The following AGBL3 variants were observed in gnomAD, a reference collection of about 807,000 sequenced individuals.
AGBL3 encodes the protein cytosolic carboxypeptidase 3.
AGBL3 carries 68 observed loss-of-function variants against 94.5 expected under a neutral mutation model. The observed-to-expected ratio is 0.72, with a 90% CI of 0.59 to 0.88. AGBL3 has a LOEUF of 0.88. Among genes scored for constraint, AGBL3 ranks in the 40% least tolerant of loss-of-function variants. The probability of loss-of-function intolerance (pLI) is 0.00; values close to 1 mark genes in which losing one functional copy is unlikely to be tolerated. For synonymous variants in AGBL3, 354 were observed against 370.7 expected (o/e 0.95, Z 0.52); for missense variants, 934 against 1,103.8 (o/e 0.85, Z 2.18).
intron 8 of AGBL3, among the ~76,000 whole-genome samples, chr7:135,043,143 G>T (rs1281304461): frequency 6.6e-6 from 1 of 151,972 alleles, no homozygotes; most frequent in African/African-American, 2.4e-5. Flanking sequence ...TTTTTTAAAA[G>T]TATAAAATTT....
At chr7:135,045,341 G>C in intron 9 of AGBL3, 133 bp from the exon 10 acceptor site, 1 of 712,568 alleles carries the variant, frequency 1.4e-6, no homozygotes, top group South Asian at 1.8e-5. Flanking sequence ...TAAATGACCT[G>C]TCCTGAAGAA....
At chr7:135,017,210 T>A in intron 5 of AGBL3, 51 bp downstream of exon 5, 1 of 1,242,770 alleles carries the variant, frequency 8.0e-7, no homozygotes, top group East Asian at 2.5e-5. Context: ...GGTACTTAGG[T>A]TAATCTCTTA....
chr7:134,993,514 T>A lies in AGBL3; in HGVS notation c.146T>A (p.Phe49Tyr). Residue 49 changes from phenylalanine to tyrosine, a missense_variant, in exon 4 of 17, where the codon TTC becomes TAC. By Grantham distance (22) the Phe-to-Tyr change is conservative. Coordinates refer to ENST00000436302, the MANE Select transcript of AGBL3 (RefSeq NM_178563.4). ...LLTADSFGDP[F>Y]FPRTTQILLE... ...TCAGCTGACTCTTTTGGTGATCCCT[T>A]CTTCCCCCGGACTACACAGATACTA... is the stretch of plus-strand genomic sequence containing the variant. 1 of 1,548,200 alleles carries A rather than the reference T, an allele frequency of 6.5e-7. No individual in the cohort carries two copies. Among genetic ancestry groups the A allele is most frequent in the Middle Eastern group, 1.7e-4 (1 of 5,992 alleles).
intron 15 of AGBL3, among the ~76,000 whole-genome samples, chr7:135,089,392 T>G (rs891921020): frequency 6.6e-6 from 1 of 152,232 alleles, no homozygotes; most frequent in Non-Finnish European, 1.5e-5. Flanking sequence ...AAAGCTATTA[T>G]GGCTCTTTAG....
chr7:135,134,841 A>C lies in AGBL3; in HGVS notation c.2343A>C (p.Gln781His). 6.5e-7 allele frequency: 1 copy of C among 1,549,058 alleles called. No homozygotes were observed. The highest frequency in any genetic ancestry group is 8.7e-7 in the Non-Finnish European group (1 of 1,145,248). ...NPRTNFQIQHQLNPATCRNIK... is the reference protein window; with the variant it reads ...NPRTNFQIQHHLNPATCRNIK... ...TTCACGTATTTCATTTCTTTTCTAG[A>C]CTAAATCCGGCTACTTGCAGAAATA... Residue 781 changes from glutamine (Q) to histidine (H), a missense_variant and splice_region_variant, in exon 17 of 17, where the codon CAA (glutamine) becomes CAC (histidine). This residue lies in a region of AGBL3 where 441 missense variants were observed against 518.2 expected (regional missense o/e 0.85). Coordinates refer to ENST00000436302, the MANE Select transcript of AGBL3 (RefSeq NM_178563.4).
In AGBL3 at chr7:135,135,505, C is replaced by T; in HGVS notation, c.*244C>T. On this transcript the variant is annotated 3_prime_UTR_variant, in exon 17 of 17. Transcript: ENST00000436302. ...GCAGATATTTATATTTAGTTTTTAT[C>T]AGCATGGAAAAAAATCTCTGAAGTT... The T allele has an allele frequency of 3.7e-6, 1 of 273,060 alleles. No individual in the cohort carries two copies. Among genetic ancestry groups the T allele is most frequent in the Non-Finnish European group, 6.7e-6 (1 of 148,694 alleles). The allele number at this position is 273,060 out of a possible 1,614,324, so 16.9% of individuals were successfully genotyped here.
rs577709169 is a variant in AGBL3, at chr7:135,059,273, G to A, written c.1908+38G>A. 8.9e-6 allele frequency: 13 copies of A among 1,457,686 alleles called. No individual in the cohort carries two copies. The Admixed American group carries it at 2.3e-4, about 26-fold the overall frequency. 90.3% of individuals were successfully genotyped at this position (1,457,686 alleles called of 1,614,324 possible). ...ATTTTTGCTTATATGTGGATATGCT[G>A]TGTAGGTACTGTTCTTATTGTGACT... On this transcript the variant is annotated intron_variant, in intron 12 of 16. Coordinates refer to ENST00000436302, the MANE Select transcript of AGBL3 (RefSeq NM_178563.4).
rs1475559187 is a variant in AGBL3, at chr7:135,080,278, C to T, written c.2038+18C>T. The T allele has an allele frequency of 5.2e-6, 8 of 1,541,932 alleles. No homozygotes were observed. Among genetic ancestry groups the T allele is most frequent in the Non-Finnish European group, 7.0e-6 (8 of 1,139,272 alleles). ...TGTGAAAGGTAATATTCTGCTTCTACCTTCTCATAAACAATTAATTCATTT... is the reference window on the plus strand; with the variant it reads ...TGTGAAAGGTAATATTCTGCTTCTATCTTCTCATAAACAATTAATTCATTT... On this transcript the variant is annotated intron_variant, in intron 14 of 16. Coordinates refer to ENST00000436302, the MANE Select transcript of AGBL3 (RefSeq NM_178563.4).
At chr7:135,064,966 T>A (rs902420916) in intron 12 of AGBL3, among the ~76,000 whole-genome samples, 2 of 152,186 alleles carry the variant, frequency 1.3e-5, no homozygotes, top group Admixed American at 1.3e-4. Context: ...CCTGCTTTCA[T>A]CTCATTTCTG....
At chr7:135,017,213 A>G (rs762361272) in intron 5 of AGBL3, 54 bp downstream of exon 5, 1 of 1,247,574 alleles carries the variant, frequency 8.0e-7, no homozygotes, top group East Asian at 2.5e-5. Context: ...ACTTAGGTTA[A>G]TCTCTTAATT....
intron 6 of AGBL3, 36 bp downstream of exon 6, chr7:135,033,018 C>A: frequency 6.7e-7 from 1 of 1,492,146 alleles, no homozygotes; most frequent in Non-Finnish European, 8.9e-7. Context: ...GGAGCTAGAC[C>A]ATCAACTATT....
chr7:135,079,250 G>GC (rs1820719704), intron 13 of AGBL3, among the ~76,000 whole-genome samples: 1 of 152,086 alleles, frequency 6.6e-6, no homozygotes. Flanking sequence ...TCCTTGTCTT[G>GC]CTAGTGATTG....
intron 15 of AGBL3, among the ~76,000 whole-genome samples, chr7:135,112,219 C>T (rs905863136): frequency 1.1e-4 from 16 of 152,206 alleles, no homozygotes; most frequent in South Asian, 2.1e-4. Flanking sequence ...TAATTTGTCT[C>T]CCTGCCTTGT....
rs189292216 is a variant in AGBL3, at chr7:135,078,171, T to A, written c.1980+1703T>A. ...CTCTGCAACTATCCTTTTGAAGAAGTTTGACTGGATTAGTCTGAAGAGCAG... is the reference window on the plus strand; with the variant it reads ...CTCTGCAACTATCCTTTTGAAGAAGATTGACTGGATTAGTCTGAAGAGCAG... On this transcript the variant is annotated intron_variant, in intron 13 of 16. Coordinates refer to ENST00000436302, the MANE Select transcript of AGBL3 (RefSeq NM_178563.4). 1.4e-4 allele frequency among the ~76,000 whole-genome samples: 21 copies of A among 152,294 alleles called. No individual in the cohort carries two copies. In the East Asian group the frequency reaches 3.9e-3, roughly 28 times the overall value.
At chr7:135,108,843 T>C (rs995026980) in intron 15 of AGBL3, among the ~76,000 whole-genome samples, 2 of 152,246 alleles carry the variant, frequency 1.3e-5, no homozygotes, top group Non-Finnish European at 2.9e-5. Context: ...TTGGCCTCTT[T>C]ACATAATCCA....
intron 15 of AGBL3, among the ~76,000 whole-genome samples, chr7:135,096,529 A>G (rs1822748049): frequency 6.6e-6 from 1 of 151,300 alleles, no homozygotes; most frequent in Non-Finnish European, 1.5e-5. Flanking sequence ...AAAGAGAAAA[A>G]AACAAAAAGA....
At chr7:135,055,136 AC>A (rs1384362839) in intron 11 of AGBL3, among the ~76,000 whole-genome samples, 3 of 152,172 alleles carry the variant, frequency 2.0e-5, no homozygotes, top group African/African-American at 7.2e-5. Flanking sequence ...AAGAGTGAGA[AC>A]CCGGTCATTC....
At chr7:134,990,346 G>T (rs1010166076) in intron 3 of AGBL3, among the ~76,000 whole-genome samples, 4 of 152,174 alleles carry the variant, frequency 2.6e-5, no homozygotes, top group Non-Finnish European at 5.9e-5. Flanking sequence ...TCACAAAACA[G>T]AATCATACAT....
intron 5 of AGBL3, among the ~76,000 whole-genome samples, chr7:135,031,406 T>G (rs1815729521): frequency 6.6e-6 from 1 of 152,044 alleles, no homozygotes; most frequent in African/African-American, 2.4e-5. Context: ...ACTACAGGCA[T>G]GCACCACTAC....
Sources: allele counts gnomAD v4.1 joint callset (sites outside exome capture counted in the v4.1 genomes callset), GRCh38; gene constraint gnomAD v4.1.1; regional missense constraint gnomAD v4.1.1; transcripts MANE v1.5; gene names NCBI Gene and HGNC (gene_info 2026-07-23, HGNC 2026-07-21).